The following NAALAD2 variants were observed in gnomAD, a reference collection of about 807,000 sequenced individuals.
NAALAD2 encodes the protein N-acetylated alpha-linked acidic dipeptidase 2.
A neutral mutation model predicts 95.6 loss-of-function variants in NAALAD2; 89 were observed. The observed-to-expected ratio is 0.93, with a 90% confidence interval of 0.78 to 1.11. NAALAD2 has a LOEUF of 1.11. NAALAD2 is among the 50% of genes least tolerant of loss of function. The probability of loss-of-function intolerance (pLI) is 0.00; values close to 1 mark genes in which losing one functional copy is unlikely to be tolerated. For missense variants in NAALAD2, 894 were observed against 872.4 expected (o/e 1.02, Z -0.31); for synonymous variants, 264 against 294.4 (o/e 0.90, Z 1.06).
chr11:90,151,090 T>C (rs7111027), intron 5 of NAALAD2, among the ~76,000 whole-genome samples: 1 of 151,834 alleles, frequency 6.6e-6, no homozygotes, highest in African/African-American at 2.4e-5. Context: ...GAGAGTTATG[T>C]AATACATTGG....
chr11:90,150,427 G>GT (rs5793433), intron 4 of NAALAD2, 55 bp from the exon 5 acceptor site: 44,669 of 1,068,214 alleles, frequency 0.042, no homozygotes, highest in Non-Finnish European at 0.048. Flanking sequence ...CTTATTTTTT[G>GT]TTTTTTTTTT....
At chr11:90,173,737 G>A in intron 13 of NAALAD2, 87 bp from the exon 14 acceptor site, 2 of 862,446 alleles carry the variant, frequency 2.3e-6, no homozygotes, top group Non-Finnish European at 3.7e-6. Context: ...AAAAGTAGAA[G>A]TTGATGACAA....
chr11:90,164,900 A>G (rs1952392386), intron 11 of NAALAD2, among the ~76,000 whole-genome samples: 1 of 152,182 alleles, frequency 6.6e-6, no homozygotes, highest in South Asian at 2.1e-4. Flanking sequence ...ATTACTAGTG[A>G]AAGATTATTT....
intron 14 of NAALAD2, 60 bp downstream of exon 14, chr11:90,173,975 C>G (rs77435706): frequency 7.4e-6 from 8 of 1,075,474 alleles, no homozygotes; most frequent in African/African-American, 1.6e-5. Context: ...CCCTCTGCCT[C>G]TTGTTTCTCC....
chr11:90,185,400 G>A (rs1185455239), intron 18 of NAALAD2, among the ~76,000 whole-genome samples: 2 of 152,008 alleles, frequency 1.3e-5, no homozygotes, highest in African/African-American at 2.4e-5. Flanking sequence ...GCTGGGTGAG[G>A]TGGCTCACAC....
chr11:90,146,343 ATTTTTTTTTTTTTTT>A (rs71477596), intron 2 of NAALAD2, among the ~76,000 whole-genome samples: 5 of 47,954 alleles, frequency 1.0e-4, no homozygotes, highest in African/African-American at 4.0e-4. Flanking sequence ...GGGGAGTTTA[ATTTTTTTTTTTTTTT>A]TTTTTTTTTT....
intron 2 of NAALAD2, among the ~76,000 whole-genome samples, chr11:90,144,937 C>T (rs1334017315): frequency 6.6e-6 from 1 of 151,978 alleles, no homozygotes; most frequent in African/African-American, 2.4e-5. Flanking sequence ...CTCCCAGCCA[C>T]TTTCTTTTTA....
chr11:90,168,384 G>T (rs751275719), intron 11 of NAALAD2, among the ~76,000 whole-genome samples: 42 of 152,226 alleles, frequency 2.8e-4, no homozygotes, highest in Non-Finnish European at 5.7e-4. Context: ...GCACACACCT[G>T]TAATCCCGGG....
intron 8 of NAALAD2, among the ~76,000 whole-genome samples, chr11:90,161,634 G>A (rs997535944): frequency 6.6e-6 from 1 of 152,124 alleles, no homozygotes; most frequent in Non-Finnish European, 1.5e-5. Context: ...TACTAAAAAC[G>A]AGAAAGACGT....
At chr11:90,158,449 G>A (rs933740919) in intron 7 of NAALAD2, 4 of 444,396 alleles carry the variant, frequency 9.0e-6, no homozygotes, top group Non-Finnish European at 1.6e-5. Flanking sequence ...CGCTCTGTTC[G>A]CTACAAATGA....
Position 90,135,027 on chromosome 11 carries a change from T to C in NAALAD2, c.82+187T>C, listed in dbSNP as rs563956062. ...ATGGAATGTATTTTGGGCTTGCTAA[T>C]AGATAAAGTGTGCTTGAAATTCAAA... On this transcript the variant is annotated intron_variant, in intron 1 of 18. Coordinates refer to ENST00000534061, the MANE Select transcript of NAALAD2 (RefSeq NM_005467.4). 1.2e-5 allele frequency: 7 copies of C among 595,842 alleles called. 1 individual carries two copies. The highest frequency in any genetic ancestry group is 8.7e-5 in the South Asian group (4 of 46,228). The allele number at this position is 595,842 out of a possible 1,614,324, so 36.9% of individuals were successfully genotyped here. A position where few individuals can be genotyped will look rare whatever the true frequency, so the allele number is the denominator to read the frequency against.
At chr11:90,181,108 T>C (rs551423508) in intron 16 of NAALAD2, among the ~76,000 whole-genome samples, 153 of 152,236 alleles carry the variant, frequency 1.0e-3, no homozygotes, top group Admixed American at 2.9e-3. Context: ...CTCAGAAGCA[T>C]TGTGAATTAA....
chr11:90,159,830 T>C (rs1482856713), intron 8 of NAALAD2, among the ~76,000 whole-genome samples: 3 of 151,198 alleles, frequency 2.0e-5, no homozygotes, highest in Admixed American at 6.6e-5. Context: ...GGTGCATGCC[T>C]GTAATCCCAG....
chr11:90,179,477 T>C (rs533304365), intron 16 of NAALAD2, among the ~76,000 whole-genome samples: 3 of 152,130 alleles, frequency 2.0e-5, no homozygotes, highest in East Asian at 3.9e-4. Context: ...ATATAAAGGA[T>C]TAGTAATCTT....
chr11:90,141,566 C>T (rs1048232057), intron 2 of NAALAD2, among the ~76,000 whole-genome samples: 2 of 151,310 alleles, frequency 1.3e-5, no homozygotes, highest in African/African-American at 2.4e-5. Context: ...GATGTTGCAT[C>T]CTGTGGCCTT....
At chr11:90,173,752 T>C (rs1319860924) in intron 13 of NAALAD2, 72 bp from the exon 14 acceptor site, 6 of 995,684 alleles carry the variant, frequency 6.0e-6, no homozygotes, top group Admixed American at 4.5e-5. Context: ...TGACAAATAA[T>C]ATATAGTTTT....
chr11:90,132,893 A>G (rs1288282188), upstream of NAALAD2, among the ~76,000 whole-genome samples: 2 of 152,206 alleles, frequency 1.3e-5, no homozygotes, highest in Admixed American at 6.5e-5. Flanking sequence ...ACAGGCTAGT[A>G]GCTGAAAAAG....
intron 14 of NAALAD2, 42 bp from the exon 15 acceptor site, chr11:90,175,928 ATG>A (rs140876943): frequency 0.021 from 19,508 of 928,338 alleles, 2 homozygotes; most frequent in East Asian, 0.025. Flanking sequence ...TTACTTGTTT[ATG>A]TGTGTGTGTG....
intron 11 of NAALAD2, among the ~76,000 whole-genome samples, chr11:90,165,731 A>C (rs1176522941): frequency 1.3e-5 from 2 of 152,172 alleles, no homozygotes; most frequent in Non-Finnish European, 2.9e-5. Flanking sequence ...TCAGGTCATT[A>C]TCTTTTTTCC....
Sources: allele counts gnomAD v4.1 joint callset (sites outside exome capture counted in the v4.1 genomes callset), GRCh38; gene constraint gnomAD v4.1.1; transcripts MANE v1.5; gene names NCBI Gene and HGNC (gene_info 2026-07-23, HGNC 2026-07-21).